KANK1: variants seen among roughly 807,000 people sequenced by gnomAD.
KANK1 encodes KN motif and ankyrin repeat domain-containing protein 1.
KANK1 carries 109 observed loss-of-function variants against 106.2 expected under a neutral mutation model. The observed-to-expected ratio is 1.03, with a 90% CI of 0.88 to 1.20. KANK1 has a LOEUF of 1.20. Ranked by LOEUF, KANK1 falls within the 50% of genes most tolerant of loss-of-function variation. The pLI, the probability that KANK1 is intolerant of heterozygous loss-of-function variation, is 0.00. For missense variants in KANK1, 2,399 were observed against 1,710.7 expected (o/e 1.40, Z -7.10); for synonymous variants, 873 against 652.2 (o/e 1.34, Z -5.16).
At chr9:670,356 G>A (rs563291539) in intron 1 of KANK1, among the ~76,000 whole-genome samples, 82 of 152,198 alleles carry the variant, frequency 5.4e-4, no homozygotes, top group African/African-American at 2.0e-3. Flanking sequence ...GGTTTTTACT[G>A]GTATGTTTGC....
intron 1 of KANK1, among the ~76,000 whole-genome samples, chr9:534,283 A>G (rs761527053): frequency 5.4e-4 from 82 of 152,322 alleles, no homozygotes; most frequent in Non-Finnish European, 9.6e-4. Context: ...TGTTAGAAGA[A>G]CTTTTGAAAC....
At chr9:538,431 A>G (rs2060419271) in intron 1 of KANK1, among the ~76,000 whole-genome samples, 1 of 152,188 alleles carries the variant, frequency 6.6e-6, no homozygotes. Context: ...AAAAACATTT[A>G]TAGCATTTCA....
intron 2 of KANK1, chr9:684,485 G>C (rs1476883450): frequency 3.0e-6 from 3 of 985,300 alleles, no homozygotes; most frequent in African/African-American, 1.7e-5. Context: ...TATTCTAAGA[G>C]ACTGGGTAGC....
chr9:703,431 C>T (rs1349707235), intron 2 of KANK1, among the ~76,000 whole-genome samples: 1 of 152,076 alleles, frequency 6.6e-6, no homozygotes, highest in East Asian at 1.9e-4. Context: ...GGACCATTTT[C>T]TGTAGCCAAT....
Position 738,491 on chromosome 9 carries a change from G to A in KANK1, c.3540G>A (p.Leu1180=). The A allele has an allele frequency of 6.2e-7, 1 of 1,613,790 alleles. No homozygotes were observed. ...ACTCCAACTTCGAGATTGTGAAGCTGCTGTTAGATGCCGGTATGTTGGCTG... is the reference window on the plus strand; with the variant it reads ...ACTCCAACTTCGAGATTGTGAAGCTACTGTTAGATGCCGGTATGTTGGCTG... The part of the protein sequence containing the change: ...VSHSNFEIVK[L]LLDADVCNVD... Residue 1180 remains leucine (L), a synonymous_variant, in exon 8 of 12, where the codon CTG becomes CTA. Transcript: ENST00000382297.
chr9:692,030 T>A (rs144924157), intron 2 of KANK1, among the ~76,000 whole-genome samples: 3,351 of 152,194 alleles, frequency 0.022, 54 homozygotes, highest in Middle Eastern at 0.054. Flanking sequence ...GCAAAGCCAG[T>A]TCTAAACAAT....
chr9:635,441 A>G (rs528906838), intron 1 of KANK1, among the ~76,000 whole-genome samples: 140 of 152,308 alleles, frequency 9.2e-4, no homozygotes, highest in Admixed American at 3.7e-3. Flanking sequence ...AGAGAACCAC[A>G]GACCCTGACT....
chr9:724,114 A>G (rs1374415656), intron 3 of KANK1, among the ~76,000 whole-genome samples: 4 of 152,062 alleles, frequency 2.6e-5, no homozygotes, highest in Admixed American at 6.5e-5. Flanking sequence ...AAAAAAGACT[A>G]TTGGAGAAAT....
chr9:712,459 C>G lies in KANK1; in HGVS notation c.1693C>G (p.Pro565Ala), dbSNP rs1826414929. ...CKNKVVGPEL[P>A]MNWWIVKERV... is the part of the protein sequence containing the mutation. ...GAATAAAGTCGTAGGGCCTGAGCTGCCTATGAATTGGTGGATTGTTAAGGA... is the reference window on the plus strand; with the variant it reads ...GAATAAAGTCGTAGGGCCTGAGCTGGCTATGAATTGGTGGATTGTTAAGGA... Residue 565 changes from proline to alanine, a missense_variant, in exon 3 of 12, where the codon CCT (proline) becomes GCT (alanine). Transcript: ENST00000382297. 1 of 1,613,972 alleles carries G rather than the reference C, an allele frequency of 6.2e-7. No individual in the cohort carries two copies. The highest frequency in any genetic ancestry group is 1.3e-5 in the African/African-American group (1 of 74,864).
chr9:513,560 C>T (rs142558920), intron 1 of KANK1, among the ~76,000 whole-genome samples: 35 of 152,284 alleles, frequency 2.3e-4, no homozygotes, highest in African/African-American at 8.2e-4. Context: ...TGTTGGTTTG[C>T]ATTCATTGTA....
intron 1 of KANK1, among the ~76,000 whole-genome samples, chr9:654,961 ACT>A (rs1841796560): frequency 6.6e-6 from 1 of 152,056 alleles, no homozygotes; most frequent in Admixed American, 6.5e-5. Flanking sequence ...TAGACCAATA[ACT>A]CTCAAATGTA....
chr9:602,107 A>T (rs889524241), intron 1 of KANK1, among the ~76,000 whole-genome samples: 4 of 151,952 alleles, frequency 2.6e-5, no homozygotes, highest in Admixed American at 6.5e-5. Context: ...GTAGAAAAAT[A>T]GGTTCTTTAT....
intron 3 of KANK1, among the ~76,000 whole-genome samples, chr9:473,562 T>C (rs1187046197): frequency 1.3e-5 from 2 of 152,218 alleles, no homozygotes; most frequent in African/African-American, 4.8e-5. Flanking sequence ...CTGATAGGTA[T>C]AATACTGAGA....
At chr9:661,903 G>C (rs951817085) in intron 1 of KANK1, among the ~76,000 whole-genome samples, 1 of 151,550 alleles carries the variant, frequency 6.6e-6, no homozygotes, top group East Asian at 1.9e-4. Context: ...TCATGTGTCT[G>C]TTGGCTGCAT....
chr9:551,737 A>G (rs1434267321), intron 1 of KANK1, among the ~76,000 whole-genome samples: 1 of 152,116 alleles, frequency 6.6e-6, no homozygotes, highest in Non-Finnish European at 1.5e-5. Flanking sequence ...CGGTGTTGTT[A>G]TAATGGTGAT....
intron 3 of KANK1, among the ~76,000 whole-genome samples, chr9:721,428 G>T (rs1189627228): frequency 6.6e-6 from 1 of 152,044 alleles, no homozygotes; most frequent in Admixed American, 6.6e-5. Flanking sequence ...AAAAAGGGGG[G>T]GCCATATGGC....
chr9:642,337 CA>C (rs1838659236), intron 1 of KANK1, among the ~76,000 whole-genome samples: 1 of 150,888 alleles, frequency 6.6e-6, no homozygotes, highest in African/African-American at 2.5e-5. Flanking sequence ...TTGAGGGTCA[CA>C]TACAAAAAGC....
intron 3 of KANK1, among the ~76,000 whole-genome samples, chr9:723,638 G>A (rs776511565): frequency 1.3e-5 from 2 of 151,460 alleles, no homozygotes; most frequent in Admixed American, 6.6e-5. Flanking sequence ...AATTCATTCT[G>A]TGCATTTTAT....
intron 7 of KANK1, 93 bp downstream of exon 7, chr9:734,928 C>T: frequency 2.3e-6 from 2 of 869,286 alleles, no homozygotes; most frequent in Admixed American, 1.9e-5. Flanking sequence ...CGAGCTGTTG[C>T]TTGCATGCTT....
Sources: allele counts gnomAD v4.1 joint callset (sites outside exome capture counted in the v4.1 genomes callset), GRCh38; gene constraint gnomAD v4.1.1; transcripts MANE v1.5; gene names NCBI Gene and HGNC (gene_info 2026-07-23, HGNC 2026-07-21).